The following LRTM3 variants were observed in gnomAD, a reference collection of about 807,000 sequenced individuals.
LRTM3 encodes the protein leucine-rich repeat transmembrane protein 3.
chr13:102,742,331 T>A, the LRTM3 span: 1 of 1,549,122 alleles, frequency 6.5e-7, no homozygotes, highest in Non-Finnish European at 8.7e-7. Flanking sequence ...TGTCTTTGCC[T>A]TATCTTTATG....
At chr13:102,735,274 T>A in the LRTM3 span, 2 of 1,551,380 alleles carry the variant, frequency 1.3e-6, no homozygotes, top group Admixed American at 2.0e-5. Flanking sequence ...TATCCTTCTC[T>A]TCTTTCTGTA....
chr13:102,739,643 T>C, the LRTM3 span: 1 of 1,550,486 alleles, frequency 6.4e-7, no homozygotes, highest in Non-Finnish European at 8.7e-7. Flanking sequence ...CAGTGATGAC[T>C]TCCTTGGCTT....
At chr13:102,734,211 T>C in the LRTM3 span, 5 of 1,551,438 alleles carry the variant, frequency 3.2e-6, no homozygotes, top group Non-Finnish European at 4.4e-6. Flanking sequence ...ACTTCATGCC[T>C]GTTTTCTTTC....
the LRTM3 span, chr13:102,740,223 G>T: frequency 1.9e-6 from 3 of 1,548,686 alleles, no homozygotes; most frequent in African/African-American, 2.7e-5. Context: ...ATTCCTTTTG[G>T]AAATAAGAGA....
At chr13:102,737,248 A>G in the LRTM3 span, 10 of 1,550,968 alleles carry the variant, frequency 6.4e-6, no homozygotes, top group Non-Finnish European at 8.7e-6. Context: ...TATCCACCCC[A>G]AAAGACTTTG....
At chr13:102,736,876 T>C in the LRTM3 span, 1 of 1,551,210 alleles carries the variant, frequency 6.4e-7, no homozygotes. Flanking sequence ...TTAATTTCCC[T>C]GTATCTGATG....
chr13:102,735,394 A>G, the LRTM3 span: 1 of 1,551,224 alleles, frequency 6.4e-7, no homozygotes, highest in East Asian at 2.4e-5. Flanking sequence ...ACTGTGGGAG[A>G]GACACTTTTG....
At chr13:102,754,377 A>G in the LRTM3 span, among the ~76,000 whole-genome samples, 2 of 151,920 alleles carry the variant, frequency 1.3e-5, no homozygotes, top group Non-Finnish European at 2.9e-5. Flanking sequence ...GTTGTCATTT[A>G]TTGTCTGACC....
the LRTM3 span, chr13:102,735,761 T>G: frequency 6.5e-7 from 1 of 1,546,610 alleles, no homozygotes; most frequent in Non-Finnish European, 8.7e-7. Flanking sequence ...TGATGAATCC[T>G]GAATCTTTAG....
the LRTM3 span, chr13:102,746,883 C>G: frequency 6.4e-7 from 1 of 1,551,244 alleles, no homozygotes; most frequent in Non-Finnish European, 8.7e-7. Flanking sequence ...CATTTGCAGT[C>G]TGTTTGTGTT....
At chr13:102,748,889 G>T in the LRTM3 span, 9 of 1,549,936 alleles carry the variant, frequency 5.8e-6, no homozygotes, top group Non-Finnish European at 7.9e-6. Flanking sequence ...TTCCTTTTTA[G>T]TAATATCTGA....
chr13:102,755,943 A>AG, the LRTM3 span, among the ~76,000 whole-genome samples: 1 of 64,598 alleles, frequency 1.5e-5, no homozygotes, highest in African/African-American at 4.7e-5. Context: ...ATATATATAC[A>AG]TATATATATA....
At chr13:102,747,934 T>G in the LRTM3 span, 4 of 1,551,284 alleles carry the variant, frequency 2.6e-6, no homozygotes, top group Non-Finnish European at 3.5e-6. Flanking sequence ...TGAAGCCTTG[T>G]GTCAGCTCTG....
the LRTM3 span, chr13:102,738,564 T>C: frequency 1.9e-6 from 3 of 1,550,704 alleles, no homozygotes; most frequent in Non-Finnish European, 2.6e-6. Flanking sequence ...ATTTTTTCCA[T>C]TTTTTGCCTC....
At chr13:102,755,143 T>C in the LRTM3 span, among the ~76,000 whole-genome samples, 3 of 152,146 alleles carry the variant, frequency 2.0e-5, no homozygotes, top group Non-Finnish European at 4.4e-5. Flanking sequence ...AGTGGTGGTC[T>C]CATCCTTTAT....
the LRTM3 span, chr13:102,737,230 A>G: frequency 6.4e-7 from 1 of 1,550,882 alleles, no homozygotes; most frequent in Non-Finnish European, 8.7e-7. Flanking sequence ...TTTTTACATC[A>G]TTTGAGCTAT....
chr13:102,758,816 T>C, the LRTM3 span: 15 of 1,549,602 alleles, frequency 9.7e-6, no homozygotes, highest in Non-Finnish European at 1.2e-5. Flanking sequence ...TAAAGAAAAT[T>C]GCCACCCAAT....
the LRTM3 span, chr13:102,742,682 G>A: frequency 6.4e-7 from 1 of 1,550,700 alleles, no homozygotes. Context: ...TTGTGAAACT[G>A]CTGATTGCTT....
At chr13:102,742,633 A>T in the LRTM3 span, 1 of 1,550,432 alleles carries the variant, frequency 6.4e-7, no homozygotes, top group African/African-American at 1.4e-5. Context: ...TCTGCTCCTT[A>T]TTATTGCTTA....
Sources: gnomAD v4.1 joint callset for allele counts (sites outside exome capture counted in the v4.1 genomes callset) on GRCh38, gnomAD v4.1.1 for gene constraint, MANE v1.5 for transcripts, NCBI Gene and HGNC (gene_info 2026-07-23, HGNC 2026-07-21) for gene names.